HMBOX1: variants seen among roughly 807,000 people sequenced by gnomAD.
HMBOX1 encodes the protein homeobox containing 1.
HMBOX1 carries 14 observed loss-of-function variants against 54.5 expected under a neutral mutation model. The observed-to-expected ratio is 0.26, with a 90% CI of 0.17 to 0.40. The LOEUF (loss-of-function observed/expected upper bound fraction) is 0.40. HMBOX1 is among the 10% of genes least tolerant of loss of function. The pLI, the probability that HMBOX1 is intolerant of heterozygous loss-of-function variation, is 1.00. For missense variants in HMBOX1, 332 were observed against 514.4 expected, an observed-to-expected ratio of 0.65 and a Z score of 3.43; for synonymous variants, 160 against 181.0, an observed-to-expected ratio of 0.88 and a Z score of 0.93.
chr8:29,042,654 T>C (rs1445865146), intron 6 of HMBOX1: 1 of 456,104 alleles, frequency 2.2e-6, no homozygotes, highest in Non-Finnish European at 4.4e-6. Context: ...CTTGGTCCCC[T>C]GAGAGAAGGA....
chr8:29,022,476 C>T (rs1169940415), intron 6 of HMBOX1, among the ~76,000 whole-genome samples: 1 of 152,050 alleles, frequency 6.6e-6, no homozygotes, highest in Non-Finnish European at 1.5e-5. Flanking sequence ...GATAACAGCA[C>T]TGTTTTTACT....
intron 1 of HMBOX1, among the ~76,000 whole-genome samples, chr8:28,900,272 A>ATATATATATG (rs1812997957): frequency 3.0e-5 from 1 of 33,406 alleles, no homozygotes; most frequent in Non-Finnish European, 6.1e-5. Context: ...AAAAAAAAAA[A>ATATATATATG]TATATATATA....
intron 1 of HMBOX1, among the ~76,000 whole-genome samples, chr8:28,961,128 C>CT (rs1167212781): frequency 6.6e-6 from 1 of 152,044 alleles, no homozygotes; most frequent in Non-Finnish European, 1.5e-5. Flanking sequence ...TGGCCAGGTG[C>CT]TTGAATGTGA....
intron 1 of HMBOX1, among the ~76,000 whole-genome samples, chr8:28,944,803 A>G (rs888214420): frequency 6.6e-6 from 1 of 152,140 alleles, no homozygotes; most frequent in Non-Finnish European, 1.5e-5. Context: ...TTTTTCTCAA[A>G]TGGTAATTTA....
chr8:28,974,230 A>G (rs1161720192), intron 3 of HMBOX1, among the ~76,000 whole-genome samples: 1 of 152,122 alleles, frequency 6.6e-6, no homozygotes, highest in Non-Finnish European at 1.5e-5. Context: ...TAGGGTTGGG[A>G]AAAAAAGGTA....
chr8:28,896,595 A>G (rs1585614660), intron 1 of HMBOX1, among the ~76,000 whole-genome samples: 1 of 148,768 alleles, frequency 6.7e-6, no homozygotes, highest in African/African-American at 2.4e-5. Context: ...GACTGAATAT[A>G]TGACAGTGGT....
In HMBOX1 at chr8:28,951,261, T is replaced by G. The variant is rs556929976; in HGVS notation, c.-57-12550T>G. ...GATTCTCCTACCTCAGCCTCCCAAG[T>G]AGCTGGAACTACAGGCGCATGCCAC... On this transcript the variant is annotated intron_variant, in intron 1 of 9. Transcript: ENST00000287701. 1.1e-4 allele frequency among the ~76,000 whole-genome samples: 16 copies of G among 152,284 alleles called. 1 individual carries two copies. In the South Asian group the frequency reaches 3.3e-3, roughly 32 times the overall value.
At chr8:28,982,217 A>G (rs1395400514) in intron 4 of HMBOX1, among the ~76,000 whole-genome samples, 1 of 152,178 alleles carries the variant, frequency 6.6e-6, no homozygotes, top group Non-Finnish European at 1.5e-5. Flanking sequence ...TGGGCGACAG[A>G]GCGAGACTCT....
intron 1 of HMBOX1, among the ~76,000 whole-genome samples, chr8:28,930,693 C>G (rs1221962410): frequency 2.0e-5 from 3 of 152,168 alleles, no homozygotes; most frequent in African/African-American, 7.2e-5. Context: ...AGCAATTCCA[C>G]TTCCCTGGAA....
chr8:28,995,917 A>G (rs909381927), intron 4 of HMBOX1, among the ~76,000 whole-genome samples: 11 of 152,088 alleles, frequency 7.2e-5, no homozygotes, highest in African/African-American at 1.4e-4. Context: ...CCTGGCTAAC[A>G]TAGTGAAACC....
Position 29,010,022 on chromosome 8 carries a change from A to G in HMBOX1, c.697+840A>G, listed in dbSNP as rs949571983. The G allele has an allele frequency of 7.1e-6, 7 of 984,742 alleles. No individual in the cohort carries two copies. In the African/African-American group the frequency reaches 1.2e-4, roughly 17 times the overall value. The allele number at this position is 984,742 out of a possible 1,614,324, so 61.0% of individuals were successfully genotyped here. ...TAATAGCATTGGCTCTGAGGTAGAA[A>G]TAAAGAATGTCATAGAGATGTATTT... On this transcript the variant is annotated intron_variant, in intron 5 of 9. Coordinates refer to ENST00000287701, the MANE Select transcript of HMBOX1 (RefSeq NM_001135726.3).
intron 3 of HMBOX1, among the ~76,000 whole-genome samples, chr8:28,973,969 AC>A (rs1468793124): frequency 6.7e-6 from 1 of 150,320 alleles, no homozygotes; most frequent in African/African-American, 2.4e-5. Context: ...GTGCACCACC[AC>A]CCCCAGCTAA....
chr8:28,961,386 A>T (rs1406788394), intron 1 of HMBOX1, among the ~76,000 whole-genome samples: 1 of 151,874 alleles, frequency 6.6e-6, no homozygotes, highest in East Asian at 1.9e-4. Flanking sequence ...TGCCCATTTT[A>T]CCCACCATGC....
At chr8:29,016,093 TATAAAG>T (rs1348823627) in intron 5 of HMBOX1, among the ~76,000 whole-genome samples, 3 of 152,178 alleles carry the variant, frequency 2.0e-5, no homozygotes, top group African/African-American at 7.2e-5. Flanking sequence ...AAATGAAAGA[TATAAAG>T]ATACTCAGTG....
In HMBOX1 at chr8:29,051,159, G is replaced by C; in HGVS notation, c.*4G>C. 6.2e-7 allele frequency: 1 copy of C among 1,613,492 alleles called. No homozygotes were observed. Among genetic ancestry groups the C allele is most frequent in the South Asian group, 1.1e-5 (1 of 91,024 alleles). ...AGAGGCCCTGGATGATGACTGATCAGGGAGGTTAAACATGACAAGTTAACT... is the reference window on the plus strand; with the variant it reads ...AGAGGCCCTGGATGATGACTGATCACGGAGGTTAAACATGACAAGTTAACT... On this transcript the variant is annotated 3_prime_UTR_variant, in exon 10 of 10. Transcript: ENST00000287701.
chr8:29,039,672 C>T (rs996466645), intron 6 of HMBOX1, among the ~76,000 whole-genome samples: 1 of 152,056 alleles, frequency 6.6e-6, no homozygotes, highest in African/African-American at 2.4e-5. Context: ...AGATAGAAAC[C>T]ATAGCCATCT....
chr8:28,894,879 A>T (rs558044162), intron 1 of HMBOX1, among the ~76,000 whole-genome samples: 30 of 151,830 alleles, frequency 2.0e-4, no homozygotes, highest in African/African-American at 7.0e-4. Flanking sequence ...TTTTCCAGTG[A>T]TTAGTGTAAT....
Position 28,970,849 on chromosome 8 carries a change from TGTAA to T in HMBOX1, c.500+334_500+337del, listed in dbSNP as rs1827263535. On this transcript the variant is annotated intron_variant, in intron 3 of 9. Transcript: ENST00000287701. The surrounding 1 kb of genome is among the most constrained non-coding windows in gnomAD (Gnocchi z 4.3). Reference sequence around the variant, plus strand: ...CACATTCTAATCCTTAAAAATCTGTTGTAAGTACTTTTTCTGAGGGATAATTTTA... The same window carrying T: ...CACATTCTAATCCTTAAAAATCTGTTGTACTTTTTCTGAGGGATAATTTTA... 6.6e-6 allele frequency among the ~76,000 whole-genome samples: 1 copy of T among 152,100 alleles called. No homozygotes were observed. Among genetic ancestry groups the T allele is most frequent in the Non-Finnish European group, 1.5e-5 (1 of 68,020 alleles).
In HMBOX1 at chr8:29,009,020, A is replaced by C. The variant is rs565985760; in HGVS notation, c.587-52A>C. 1.3e-4 allele frequency: 177 copies of C among 1,382,694 alleles called. 1 individual carries two copies. The South Asian group carries it at 2.0e-3, about 16-fold the overall frequency. 85.7% of individuals were successfully genotyped at this position (1,382,694 alleles called of 1,614,324 possible). Reference sequence around the variant, plus strand: ...ACCTAGAACCAAAAGATCCTTTATTAATTTCACTGTAATTTCAGTGCCCCC... The same window carrying C: ...ACCTAGAACCAAAAGATCCTTTATTCATTTCACTGTAATTTCAGTGCCCCC... On this transcript the variant is annotated intron_variant, in intron 4 of 9. Coordinates refer to ENST00000287701, the MANE Select transcript of HMBOX1 (RefSeq NM_001135726.3).
Sources: allele counts gnomAD v4.1 joint callset (sites outside exome capture counted in the v4.1 genomes callset), GRCh38; gene constraint gnomAD v4.1.1; non-coding constraint Gnocchi (gnomAD v3.1); transcripts MANE v1.5; gene names NCBI Gene and HGNC (gene_info 2026-07-23, HGNC 2026-07-21).